The following TAFA4 variants were observed in gnomAD, a reference collection of about 807,000 sequenced individuals.
TAFA4 encodes chemokine-like protein TAFA-4.
In TAFA4, 20 loss-of-function variants were observed where a neutral mutation model predicts 21.1. The observed-to-expected ratio is 0.95, with a 90% CI of 0.67 to 1.38. The LOEUF is 1.38. Ranked by LOEUF, TAFA4 falls within the 40% of genes most tolerant of loss-of-function variation. TAFA4 has a pLI of 0.00. For missense variants in TAFA4, 211 were observed against 180.9 expected, an observed-to-expected ratio of 1.17 and a Z score of -0.95; for synonymous variants, 71 against 67.4, an observed-to-expected ratio of 1.05 and a Z score of -0.26.
At chr3:68,817,791 T>C (rs942690611) in intron 3 of TAFA4, among the ~76,000 whole-genome samples, 10 of 152,220 alleles carry the variant, frequency 6.6e-5, no homozygotes, top group African/African-American at 2.2e-4. Context: ...TTCTCAACAA[T>C]GGGCTTAAAA....
intron 3 of TAFA4, among the ~76,000 whole-genome samples, chr3:68,864,346 G>A (rs2089389468): frequency 6.6e-6 from 1 of 152,066 alleles, no homozygotes; most frequent in African/African-American, 2.4e-5. Flanking sequence ...AATGAAAGAT[G>A]TGCAACATTA....
intron 3 of TAFA4, among the ~76,000 whole-genome samples, chr3:68,805,547 A>G (rs965279721): frequency 1.6e-4 from 25 of 152,322 alleles, no homozygotes; most frequent in Non-Finnish European, 2.6e-4. Flanking sequence ...AAAGACTTGG[A>G]ACCAACCCAA....
At chr3:68,785,861 G>A (rs1213313866) in intron 3 of TAFA4, among the ~76,000 whole-genome samples, 1 of 152,192 alleles carries the variant, frequency 6.6e-6, no homozygotes, top group Non-Finnish European at 1.5e-5. Flanking sequence ...TTTCTTAAGA[G>A]GCATCTAAAT....
chr3:68,884,376 C>A (rs965376081), intron 2 of TAFA4, among the ~76,000 whole-genome samples: 1 of 152,192 alleles, frequency 6.6e-6, no homozygotes, highest in East Asian at 1.9e-4. Flanking sequence ...GGGTGGCCAT[C>A]TCTCCACCAT....
chr3:68,811,029 T>C (rs1257576065), intron 3 of TAFA4, among the ~76,000 whole-genome samples: 1 of 152,240 alleles, frequency 6.6e-6, no homozygotes, highest in Non-Finnish European at 1.5e-5. Context: ...TCCACTGTTC[T>C]GCAGCCTCCG....
intron 3 of TAFA4, among the ~76,000 whole-genome samples, chr3:68,853,875 T>A (rs1413124480): frequency 6.6e-6 from 1 of 152,104 alleles, no homozygotes; most frequent in African/African-American, 2.4e-5. Flanking sequence ...GCTCAGAGCA[T>A]ACAGAAATAA....
chr3:68,787,864 G>T (rs1239334597), intron 3 of TAFA4, among the ~76,000 whole-genome samples: 1 of 152,204 alleles, frequency 6.6e-6, no homozygotes, highest in Non-Finnish European at 1.5e-5. Flanking sequence ...CTAGCAACTT[G>T]TAACCCGATT....
At chr3:68,794,752 G>A (rs1703423449) in intron 3 of TAFA4, among the ~76,000 whole-genome samples, 1 of 152,086 alleles carries the variant, frequency 6.6e-6, no homozygotes, top group Non-Finnish European at 1.5e-5. Context: ...ACCTCAGAAA[G>A]CATGATGCAG....
intron 3 of TAFA4, among the ~76,000 whole-genome samples, chr3:68,840,002 T>C (rs911676496): frequency 6.6e-6 from 1 of 152,144 alleles, no homozygotes; most frequent in African/African-American, 2.4e-5. Flanking sequence ...TACGCCCTCC[T>C]CTTAACCTCC....
intron 3 of TAFA4, among the ~76,000 whole-genome samples, chr3:68,757,675 G>A (rs1404178741): frequency 7.9e-5 from 12 of 152,134 alleles, no homozygotes. Flanking sequence ...CTGGGCCACA[G>A]TGCCCTGAAT....
intron 3 of TAFA4, among the ~76,000 whole-genome samples, chr3:68,813,512 C>G (rs936342326): frequency 2.0e-5 from 3 of 152,186 alleles, no homozygotes; most frequent in Admixed American, 6.5e-5. Context: ...GAAATACAAA[C>G]TACCATCAGA....
At chr3:68,914,725 A>T (rs2089988037) in intron 1 of TAFA4, among the ~76,000 whole-genome samples, 1 of 152,196 alleles carries the variant, frequency 6.6e-6, no homozygotes, top group South Asian at 2.1e-4. Context: ...ACTTCACTAG[A>T]CTATGGAGAA....
chr3:68,742,204 G>A (rs970236453), intron 4 of TAFA4, among the ~76,000 whole-genome samples: 1 of 152,066 alleles, frequency 6.6e-6, no homozygotes, highest in Admixed American at 6.6e-5. Context: ...TTATACAGAA[G>A]GAATGTACTT....
At chr3:68,759,610 G>T (rs1182397706) in intron 3 of TAFA4, among the ~76,000 whole-genome samples, 1 of 152,122 alleles carries the variant, frequency 6.6e-6, no homozygotes, top group Non-Finnish European at 1.5e-5. Context: ...GAACATAATG[G>T]TGTGGCGATC....
At chr3:68,769,149 C>T (rs1332997895) in intron 3 of TAFA4, among the ~76,000 whole-genome samples, 1 of 152,184 alleles carries the variant, frequency 6.6e-6, no homozygotes, top group African/African-American at 2.4e-5. Context: ...CTCCCCATTG[C>T]TTGCATTACT....
chr3:68,762,325 C>T (rs1702771376), intron 3 of TAFA4, among the ~76,000 whole-genome samples: 1 of 151,850 alleles, frequency 6.6e-6, no homozygotes, highest in Admixed American at 6.6e-5. Flanking sequence ...ATGGTGTTAT[C>T]AAGGCAAGGA....
intron 3 of TAFA4, among the ~76,000 whole-genome samples, chr3:68,819,051 T>A (rs1187416740): frequency 6.6e-6 from 1 of 152,058 alleles, no homozygotes; most frequent in Non-Finnish European, 1.5e-5. Flanking sequence ...GGCAGGTGGA[T>A]CACTCAAAGT....
At chr3:68,884,806 G>T (rs2089654135) in intron 2 of TAFA4, among the ~76,000 whole-genome samples, 1 of 152,210 alleles carries the variant, frequency 6.6e-6, no homozygotes, top group Admixed American at 6.5e-5. Flanking sequence ...GTAACAAGTT[G>T]CTGGGTTAGT....
At chr3:68,749,731 G>A (rs183744615) in intron 4 of TAFA4, among the ~76,000 whole-genome samples, 162 of 152,252 alleles carry the variant, frequency 1.1e-3, no homozygotes, top group African/African-American at 3.7e-3. Flanking sequence ...ACCTTTCAGG[G>A]TACTGGCACT....
Sources: gnomAD v4.1 joint callset for allele counts (sites outside exome capture counted in the v4.1 genomes callset) on GRCh38, gnomAD v4.1.1 for gene constraint, MANE v1.5 for transcripts, NCBI Gene and HGNC (gene_info 2026-07-23, HGNC 2026-07-21) for gene names.